The following GTF2F2 variants were observed in gnomAD, a reference collection of about 807,000 sequenced individuals.
GTF2F2 encodes the protein ATP-dependent helicase GTF2F2.
GTF2F2 carries 23 observed loss-of-function variants against 42.2 expected under a neutral mutation model. That is an observed-to-expected ratio of 0.55 (90% CI 0.39 to 0.77). The LOEUF (loss-of-function observed/expected upper bound fraction) is 0.77. GTF2F2 is among the 30% of genes least tolerant of loss of function. The pLI is 0.00. For missense variants in GTF2F2, 261 were observed against 287.2 expected (o/e 0.91, Z 0.66); for synonymous variants, 105 against 100.8 (o/e 1.04, Z -0.25).
rs185737024 is a variant in GTF2F2, at chr13:45,135,528, G to T, written c.67-1205G>T. Among the ~76,000 whole-genome samples the T allele has an allele frequency of 6.1e-3, 930 of 152,320 alleles. 3 individuals carry two copies. The highest frequency in any genetic ancestry group is 0.021 in the African/African-American group (874 of 41,560). ...CCGCCTCGGCCTTCCAAAGTGCTGG[G>T]ATTACAGGCGTGAGCCACCGCGCCC... On this transcript the variant is annotated intron_variant, in intron 1 of 7. Coordinates refer to ENST00000340473, the MANE Select transcript of GTF2F2 (RefSeq NM_004128.3).
intron 5 of GTF2F2, among the ~76,000 whole-genome samples, chr13:45,234,362 TAC>T (rs146366682): frequency 0.028 from 4,234 of 152,264 alleles, 89 homozygotes; most frequent in East Asian, 0.12. Context: ...TAAAATAATA[TAC>T]AGAGTCTAGA....
At chr13:45,182,536 A>G (rs1048090105) in intron 4 of GTF2F2, among the ~76,000 whole-genome samples, 2 of 151,644 alleles carry the variant, frequency 1.3e-5, no homozygotes, top group Non-Finnish European at 1.5e-5. Flanking sequence ...CTATGTTTAT[A>G]CTCTTCCTCC....
chr13:45,261,522 G>A (rs1307517209), intron 6 of GTF2F2, among the ~76,000 whole-genome samples: 1 of 151,446 alleles, frequency 6.6e-6, no homozygotes. Flanking sequence ...GAAGACTAAA[G>A]TACTTTCTGA....
chr13:45,198,600 C>G (rs1293711330), intron 4 of GTF2F2, among the ~76,000 whole-genome samples: 4 of 152,134 alleles, frequency 2.6e-5, no homozygotes, highest in Non-Finnish European at 4.4e-5. Flanking sequence ...AAAAGGATTT[C>G]ATTCCCATTA....
chr13:45,194,198 C>T (rs756013146), intron 4 of GTF2F2: 1 of 1,614,170 alleles, frequency 6.2e-7, no homozygotes, highest in Non-Finnish European at 8.5e-7. Flanking sequence ...TTCACTTCCT[C>T]TGCCAGTCCC....
intron 7 of GTF2F2, among the ~76,000 whole-genome samples, chr13:45,279,363 C>G (rs905528217): frequency 6.6e-6 from 1 of 152,166 alleles, no homozygotes; most frequent in African/African-American, 2.4e-5. Flanking sequence ...CACTAAAATG[C>G]AGATTTTAGT....
chr13:45,250,653 C>T (rs1161487697), intron 5 of GTF2F2, among the ~76,000 whole-genome samples: 1 of 152,038 alleles, frequency 6.6e-6, no homozygotes, highest in African/African-American at 2.4e-5. Context: ...ACAGCTGCAG[C>T]CAGAGGCAGA....
chr13:45,208,231 A>C (rs1873497180), intron 5 of GTF2F2, among the ~76,000 whole-genome samples: 1 of 152,088 alleles, frequency 6.6e-6, no homozygotes, highest in Admixed American at 6.5e-5. Context: ...ACTGTGTTAG[A>C]GAGTTTGTTT....
chr13:45,139,091 A>T (rs1869783147), intron 2 of GTF2F2, among the ~76,000 whole-genome samples: 1 of 152,226 alleles, frequency 6.6e-6, no homozygotes, highest in African/African-American at 2.4e-5. Flanking sequence ...TATGACTGTT[A>T]TCCACTACTT....
At chr13:45,189,756 A>G (rs554531733) in intron 4 of GTF2F2, among the ~76,000 whole-genome samples, 27 of 152,226 alleles carry the variant, frequency 1.8e-4, no homozygotes, top group Non-Finnish European at 3.1e-4. Context: ...CATTCAGGAC[A>G]TAGGCATGAG....
At chr13:45,266,606 A>G (rs1336543318) in intron 6 of GTF2F2, among the ~76,000 whole-genome samples, 1 of 152,250 alleles carries the variant, frequency 6.6e-6, no homozygotes, top group Non-Finnish European at 1.5e-5. Context: ...AGAGTTTTCG[A>G]TCAACACAAG....
intron 4 of GTF2F2, among the ~76,000 whole-genome samples, chr13:45,205,513 G>A (rs1308039800): frequency 6.6e-6 from 1 of 152,038 alleles, no homozygotes; most frequent in Non-Finnish European, 1.5e-5. Flanking sequence ...TAGTAGTCTA[G>A]ATTTATTTTA....
chr13:45,162,175 G>T (rs1871071105), intron 4 of GTF2F2, among the ~76,000 whole-genome samples: 1 of 152,172 alleles, frequency 6.6e-6, no homozygotes, highest in South Asian at 2.1e-4. Flanking sequence ...TCTTTAAGTA[G>T]GTAATAGAAA....
chr13:45,259,819 G>A (rs762113343), intron 6 of GTF2F2, among the ~76,000 whole-genome samples: 3 of 151,844 alleles, frequency 2.0e-5, no homozygotes, highest in African/African-American at 2.4e-5. Flanking sequence ...CACCACACCT[G>A]GCCAATGTGA....
At chr13:45,125,379 G>A (rs1225567153) in intron 1 of GTF2F2, among the ~76,000 whole-genome samples, 3 of 151,936 alleles carry the variant, frequency 2.0e-5, no homozygotes, top group Non-Finnish European at 4.4e-5. Flanking sequence ...GAGTGCAGTG[G>A]CGCAATCTTG....
At chr13:45,126,197 T>C (rs893445663) in intron 1 of GTF2F2, among the ~76,000 whole-genome samples, 18 of 151,094 alleles carry the variant, frequency 1.2e-4, no homozygotes, top group Non-Finnish European at 2.2e-4. Context: ...AGATATTTGA[T>C]GAAGCAAAGT....
chr13:45,272,124 A>T (rs1364783338), intron 7 of GTF2F2, among the ~76,000 whole-genome samples: 4 of 149,746 alleles, frequency 2.7e-5, no homozygotes, highest in Non-Finnish European at 4.5e-5. Context: ...TAAAAAAAAG[A>T]CAATTTCCCA....
chr13:45,261,348 C>T (rs191936529), intron 6 of GTF2F2, among the ~76,000 whole-genome samples: 2 of 150,750 alleles, frequency 1.3e-5, no homozygotes, highest in Non-Finnish European at 1.5e-5. Flanking sequence ...ATCACTTGAA[C>T]CCGGGAGGCT....
At chr13:45,126,294 C>T (rs1868997491) in intron 1 of GTF2F2, among the ~76,000 whole-genome samples, 1 of 148,298 alleles carries the variant, frequency 6.7e-6, no homozygotes, top group South Asian at 2.1e-4. Context: ...TTCTGTTGCC[C>T]AGTCTGGAGT....
Sources: allele counts gnomAD v4.1 joint callset (sites outside exome capture counted in the v4.1 genomes callset), GRCh38; gene constraint gnomAD v4.1.1; transcripts MANE v1.5; gene names NCBI Gene and HGNC (gene_info 2026-07-23, HGNC 2026-07-21).